The following NAALADL2 variants were observed in gnomAD, a reference collection of about 807,000 sequenced individuals.
The protein encoded by NAALADL2 is inactive N-acetylated-alpha-linked acidic dipeptidase-like protein 2.
NAALADL2 carries 76 observed loss-of-function variants against 87.2 expected under a neutral mutation model. That is an observed-to-expected ratio of 0.87 (90% CI 0.72 to 1.05). NAALADL2 has a LOEUF of 1.05. Among genes scored for constraint, NAALADL2 ranks in the 50% least tolerant of loss-of-function variants. The pLI, the probability that NAALADL2 is intolerant of heterozygous loss-of-function variation, is 0.00. For synonymous variants in NAALADL2, 354 were observed against 331.0 expected (o/e 1.07, Z -0.75); for missense variants, 1,089 against 945.8 (o/e 1.15, Z -1.99).
intron 11 of NAALADL2, among the ~76,000 whole-genome samples, chr3:175,694,475 G>T (rs904297043): frequency 6.6e-6 from 1 of 152,136 alleles, no homozygotes; most frequent in Non-Finnish European, 1.5e-5. Context: ...ACTGACACAA[G>T]AGTGGTAAAA....
intron 2 of NAALADL2, among the ~76,000 whole-genome samples, chr3:174,707,462 A>G (rs1730195767): frequency 6.6e-6 from 1 of 152,164 alleles, no homozygotes; most frequent in Non-Finnish European, 1.5e-5. Context: ...AATACTATGC[A>G]GCCATAAAAA....
chr3:174,730,876 T>C (rs1732639549), intron 2 of NAALADL2, among the ~76,000 whole-genome samples: 1 of 152,136 alleles, frequency 6.6e-6, no homozygotes, highest in Non-Finnish European at 1.5e-5. Context: ...TTTCATATCA[T>C]AGACAAAGCT....
At chr3:175,399,598 G>A (rs572618959) in intron 5 of NAALADL2, among the ~76,000 whole-genome samples, 3 of 152,234 alleles carry the variant, frequency 2.0e-5, no homozygotes, top group East Asian at 1.9e-4. Flanking sequence ...TGGCAGGAGC[G>A]TAGCAGTGAG....
chr3:174,672,023 A>G (rs1172465225), intron 2 of NAALADL2, among the ~76,000 whole-genome samples: 1 of 151,958 alleles, frequency 6.6e-6, no homozygotes, highest in Non-Finnish European at 1.5e-5. Context: ...ATTTCTGAGT[A>G]ATGTAATGTG....
At chr3:175,081,772 T>C (rs1478986238) in intron 1 of NAALADL2, among the ~76,000 whole-genome samples, 1 of 152,232 alleles carries the variant, frequency 6.6e-6, no homozygotes, top group Non-Finnish European at 1.5e-5. Flanking sequence ...ACTGGTAAAG[T>C]GTACATATAG....
chr3:174,592,153 A>G (rs1176824208), intron 2 of NAALADL2, among the ~76,000 whole-genome samples: 2 of 152,148 alleles, frequency 1.3e-5, no homozygotes, highest in East Asian at 3.9e-4. Context: ...AAGATGGCCT[A>G]GTATTTTATG....
At chr3:175,349,202 G>C (rs1333644666) in intron 5 of NAALADL2, among the ~76,000 whole-genome samples, 1 of 105,780 alleles carries the variant, frequency 9.5e-6, no homozygotes, top group African/African-American at 3.8e-5. Context: ...CTGGACAACT[G>C]CTATTAAAAA....
chr3:174,448,243 A>G (rs1431133376), intron 1 of NAALADL2, among the ~76,000 whole-genome samples: 1 of 152,208 alleles, frequency 6.6e-6, no homozygotes, highest in Admixed American at 6.5e-5. Flanking sequence ...CCACAGTACA[A>G]TATAAAAACC....
intron 2 of NAALADL2, among the ~76,000 whole-genome samples, chr3:175,143,551 C>CAAAAAAAAAAAAAAAAAAAAAAAA (rs200363916): frequency 8.8e-6 from 1 of 113,408 alleles, no homozygotes; most frequent in Non-Finnish European, 1.8e-5. Flanking sequence ...CAATGTTAGC[C>CAAAAAAAAAAAAAAAAAAAAAAAA]AAAAAAAAAA....
chr3:174,485,347 G>C (rs1717786158), intron 1 of NAALADL2, among the ~76,000 whole-genome samples: 1 of 151,672 alleles, frequency 6.6e-6, no homozygotes, highest in South Asian at 2.1e-4. Context: ...TTGTTATATA[G>C]GTAAACTTGT....
intron 2 of NAALADL2, among the ~76,000 whole-genome samples, chr3:174,728,525 G>A (rs577467863): frequency 6.6e-6 from 1 of 152,154 alleles, no homozygotes; most frequent in Admixed American, 6.5e-5. Context: ...AGTACACACA[G>A]CTAATAAGTA....
In NAALADL2 at chr3:175,806,504, T is replaced by C. The variant is rs934727703; in HGVS notation, c.*3301T>C. On this transcript the variant is annotated 3_prime_UTR_variant, in exon 14 of 14. Transcript: ENST00000454872. ...ATCGTAGTTTCCAAGAAAACACTAA[T>C]TGACATTTCTAAATAAATTGAAGAG... The C allele has an allele frequency of 1.3e-5, 2 of 151,824 alleles. No individual in the cohort carries two copies. The highest frequency in any genetic ancestry group is 2.1e-4 in the South Asian group (1 of 4,828). The allele number at this position is 151,824 out of a possible 1,614,324, so 9.4% of individuals were successfully genotyped here. A position where few individuals can be genotyped will look rare whatever the true frequency, so the allele number is the denominator to read the frequency against.
At chr3:174,909,749 C>A (rs1579476451) in intron 1 of NAALADL2, among the ~76,000 whole-genome samples, 2 of 152,180 alleles carry the variant, frequency 1.3e-5, no homozygotes, top group South Asian at 4.1e-4. Context: ...AAGGACTATT[C>A]TGAGGATTAA....
At chr3:175,500,145 C>A (rs1278550245) in intron 9 of NAALADL2, among the ~76,000 whole-genome samples, 4 of 151,986 alleles carry the variant, frequency 2.6e-5, no homozygotes, top group Admixed American at 2.6e-4. Context: ...ATTCTACCTC[C>A]TAGAATCATT....
chr3:175,575,327 C>T (rs976642273), intron 9 of NAALADL2, among the ~76,000 whole-genome samples: 11 of 151,990 alleles, frequency 7.2e-5, no homozygotes, highest in African/African-American at 2.2e-4. Flanking sequence ...TCTTGTTGCC[C>T]AGCCTGGAGT....
intron 1 of NAALADL2, among the ~76,000 whole-genome samples, chr3:174,494,723 A>G (rs904009266): frequency 1.3e-5 from 2 of 152,092 alleles, no homozygotes; most frequent in African/African-American, 4.8e-5. Flanking sequence ...ATGAGTTGGT[A>G]TTTATGAGAT....
intron 4 of NAALADL2, among the ~76,000 whole-genome samples, chr3:175,269,625 T>G (rs1324397508): frequency 6.6e-6 from 1 of 152,222 alleles, no homozygotes; most frequent in Non-Finnish European, 1.5e-5. Context: ...ACACTCCTTA[T>G]CTTCCTAAAA....
At chr3:174,468,746 G>A (rs1716695303) in intron 1 of NAALADL2, among the ~76,000 whole-genome samples, 2 of 148,446 alleles carry the variant, frequency 1.3e-5, no homozygotes, top group Non-Finnish European at 3.0e-5. Flanking sequence ...TATATGTATT[G>A]GATCATAACT....
chr3:175,047,792 TA>T (rs1353648171), intron 1 of NAALADL2, among the ~76,000 whole-genome samples: 1 of 152,190 alleles, frequency 6.6e-6, no homozygotes, highest in East Asian at 1.9e-4. Flanking sequence ...GGCATTTTAT[TA>T]AAAAACTTTG....
Sources: allele counts gnomAD v4.1 joint callset (sites outside exome capture counted in the v4.1 genomes callset), GRCh38; gene constraint gnomAD v4.1.1; transcripts MANE v1.5; gene names NCBI Gene and HGNC (gene_info 2026-07-23, HGNC 2026-07-21).